CEP85L: variants seen among roughly 807,000 people sequenced by gnomAD.
The protein encoded by CEP85L is centrosomal protein of 85 kDa-like.
Under a neutral mutation model 100.3 loss-of-function variants are expected in CEP85L, and 60 were observed. The ratio of observed to expected loss-of-function variants is 0.60; its 90% CI spans 0.49 to 0.74. The LOEUF is 0.74. Ranked by LOEUF, CEP85L falls within the 30% of genes least tolerant of loss-of-function variation. The pLI, the probability that CEP85L is intolerant of heterozygous loss-of-function variation, is 0.00. For missense variants in CEP85L, 973 were observed against 936.2 expected (o/e 1.04, Z -0.51); for synonymous variants, 319 against 322.7 (o/e 0.99, Z 0.12).
intron 5 of CEP85L, among the ~76,000 whole-genome samples, chr6:118,495,275 G>T (rs886155937): frequency 6.6e-6 from 1 of 152,146 alleles, no homozygotes; most frequent in Non-Finnish European, 1.5e-5. Flanking sequence ...TGAAATTTGG[G>T]AGGTGCTGGG....
At chr6:118,570,143 TAATA>T (rs924181576) in intron 2 of CEP85L, among the ~76,000 whole-genome samples, 3 of 152,072 alleles carry the variant, frequency 2.0e-5, no homozygotes, top group African/African-American at 7.2e-5. Context: ...ACACAAAACT[TAATA>T]AACAAAGGTA....
At chr6:118,657,385 A>C (rs903741600), upstream of CEP85L, among the ~76,000 whole-genome samples, 2 of 152,192 alleles carry the variant, frequency 1.3e-5, no homozygotes, top group African/African-American at 2.4e-5. Context: ...TGGGAGGCTG[A>C]GGCTGGCAGA....
intron 2 of CEP85L, among the ~76,000 whole-genome samples, chr6:118,596,979 T>C (rs534536963): frequency 2.6e-5 from 4 of 152,174 alleles, no homozygotes; most frequent in African/African-American, 7.2e-5. Context: ...AATTTCATCA[T>C]GGGGGCGGCT....
intron 5 of CEP85L, among the ~76,000 whole-genome samples, chr6:118,497,882 A>C (rs1039533783): frequency 9.2e-5 from 14 of 152,232 alleles, no homozygotes; most frequent in African/African-American, 2.9e-4. Context: ...TGACATTTTA[A>C]TTACAGCAAC....
At chr6:118,624,855 C>T (rs1223087728) in intron 2 of CEP85L, among the ~76,000 whole-genome samples, 8 of 152,244 alleles carry the variant, frequency 5.3e-5, no homozygotes. Context: ...CCATCTAACA[C>T]TCCAAGTCCA....
chr6:118,636,194 T>TA (rs1774483410), intron 1 of CEP85L, among the ~76,000 whole-genome samples: 2 of 152,148 alleles, frequency 1.3e-5, no homozygotes, highest in Admixed American at 6.5e-5. Flanking sequence ...TGAGATGTGG[T>TA]AAAAAATCAT....
chr6:118,627,596 A>C (rs1185602993), intron 2 of CEP85L, among the ~76,000 whole-genome samples: 1 of 152,226 alleles, frequency 6.6e-6, no homozygotes, highest in Non-Finnish European at 1.5e-5. Context: ...CTGAGTATGA[A>C]GAAGTCTGAG....
rs562883366 is a variant in CEP85L at position 118,460,883 on chromosome 6, T to C, written c.*4522A>G. 6.6e-6 allele frequency: 1 copy of C among 152,232 alleles called. No homozygotes were observed. The highest frequency in any genetic ancestry group is 2.1e-4 in the South Asian group (1 of 4,824). 9.4% of individuals were successfully genotyped at this position (152,232 alleles called of 1,614,324 possible). A position where few individuals can be genotyped will look rare whatever the true frequency, so the allele number is the denominator to read the frequency against. On this transcript the variant is annotated 3_prime_UTR_variant, in exon 13 of 13. Coordinates refer to ENST00000368491, the MANE Select transcript of CEP85L (RefSeq NM_001042475.3). ...ATTGAAAACTTTTTTCTTAATTTAATAAATAGAACTTTGGCATTCAAAATT... is the reference window on the plus strand; with the variant it reads ...ATTGAAAACTTTTTTCTTAATTTAACAAATAGAACTTTGGCATTCAAAATT...
intron 3 of CEP85L, among the ~76,000 whole-genome samples, chr6:118,542,900 C>CAAAAAAAAAAAGAA (rs1554216841): frequency 1.5e-5 from 1 of 67,136 alleles, no homozygotes; most frequent in Non-Finnish European, 2.9e-5. Flanking sequence ...CAAGTTTTCC[C>CAAAAAAAAAAAGAA]AAAAAAAAAA....
chr6:118,666,997 G>A (rs1438721042), intron 1 of CEP85L, among the ~76,000 whole-genome samples: 1 of 152,226 alleles, frequency 6.6e-6, no homozygotes, highest in African/African-American at 2.4e-5. Context: ...TGCTTAATTA[G>A]TTGCCACAAA....
intron 3 of CEP85L, among the ~76,000 whole-genome samples, chr6:118,525,004 ATTGT>A (rs777331633): frequency 3.3e-5 from 5 of 152,180 alleles, no homozygotes; most frequent in East Asian, 1.9e-4. Flanking sequence ...TGCTTTGATG[ATTGT>A]TTGTTTGTCT....
At chr6:118,693,435 A>G (rs184158093) in intron 1 of CEP85L, among the ~76,000 whole-genome samples, 88 of 152,374 alleles carry the variant, frequency 5.8e-4, no homozygotes, top group Middle Eastern at 3.4e-3. Context: ...ATTATCAAAA[A>G]GTAAAACTTG....
At chr6:118,472,412 C>T (rs1050707274) in intron 10 of CEP85L, among the ~76,000 whole-genome samples, 4 of 152,128 alleles carry the variant, frequency 2.6e-5, no homozygotes, top group African/African-American at 7.2e-5. Context: ...TGCAGATAGG[C>T]TTATCCTGAA....
intron 1 of CEP85L, among the ~76,000 whole-genome samples, chr6:118,699,000 G>A (rs1459843313): frequency 2.0e-5 from 3 of 152,026 alleles, no homozygotes; most frequent in South Asian, 2.1e-4. Flanking sequence ...TAATATGCCC[G>A]GAAACTGAAA....
At chr6:118,534,427 C>A (rs909824852) in intron 3 of CEP85L, among the ~76,000 whole-genome samples, 3 of 151,222 alleles carry the variant, frequency 2.0e-5, no homozygotes, top group South Asian at 2.1e-4. Context: ...CCGAAGTGGG[C>A]GGATCATCTG....
chr6:118,643,627 C>T (rs540260484), intron 1 of CEP85L, among the ~76,000 whole-genome samples: 15 of 152,178 alleles, frequency 9.9e-5, no homozygotes, highest in East Asian at 7.7e-4. Flanking sequence ...ATCCTATCAA[C>T]GACTTTAATT....
Position 118,651,289 on chromosome 6 carries a change from T to G in CEP85L, c.-20A>C. ...CCACATCGCGGGCGAGAGGGCCGGG[T>G]GGGCCAGGGACGCCCGACTCCTCAC... On this transcript the variant is annotated 5_prime_UTR_variant, in exon 1 of 13. Transcript: ENST00000368491. 1 of 1,478,658 alleles carries G rather than the reference T, an allele frequency of 6.8e-7. No homozygotes were observed. The highest frequency in any genetic ancestry group is 8.9e-7 in the Non-Finnish European group (1 of 1,118,326). The allele number at this position is 1,478,658 out of a possible 1,614,324, so 91.6% of individuals were successfully genotyped here. A position where few individuals can be genotyped will look rare whatever the true frequency, so the allele number is the denominator to read the frequency against.
intron 4 of CEP85L, among the ~76,000 whole-genome samples, chr6:118,521,528 C>T (rs1389689111): frequency 6.6e-6 from 1 of 152,180 alleles, no homozygotes; most frequent in Non-Finnish European, 1.5e-5. Flanking sequence ...TCCTATATTA[C>T]TAATGCCTCC....
intron 3 of CEP85L, among the ~76,000 whole-genome samples, chr6:118,535,583 T>C (rs1169256631): frequency 6.6e-6 from 1 of 152,196 alleles, no homozygotes; most frequent in African/African-American, 2.4e-5. Context: ...CCATTCTAAG[T>C]AGTGTGATGA....
Sources: allele counts gnomAD v4.1 joint callset (sites outside exome capture counted in the v4.1 genomes callset), GRCh38; gene constraint gnomAD v4.1.1; transcripts MANE v1.5; gene names NCBI Gene and HGNC (gene_info 2026-07-23, HGNC 2026-07-21).